KDM4C: variants seen among roughly 807,000 people sequenced by gnomAD.
The protein encoded by KDM4C is lysine demethylase 4C, also known as lysine-specific demethylase 4C.
In KDM4C, 81 loss-of-function variants were observed where a neutral mutation model predicts 129.3. That is an observed-to-expected ratio of 0.63 (90% CI 0.52 to 0.75). KDM4C has a LOEUF of 0.75. Ranked by LOEUF, KDM4C falls within the 30% of genes least tolerant of loss-of-function variation. The pLI is 0.00. For synonymous variants in KDM4C, 573 were observed against 456.1 expected, an observed-to-expected ratio of 1.26 and a Z score of -3.26; for missense variants, 1,457 against 1,304.0, an observed-to-expected ratio of 1.12 and a Z score of -1.81.
At chr9:6,897,119 G>T (rs768460795) in intron 8 of KDM4C, among the ~76,000 whole-genome samples, 2 of 152,192 alleles carry the variant, frequency 1.3e-5, no homozygotes, top group South Asian at 4.1e-4. Flanking sequence ...GTCCCTGTGC[G>T]TAAATTCTCT....
chr9:6,758,984 A>G lies in KDM4C; in HGVS notation c.-18+781A>G, dbSNP rs2130378724. On this transcript the variant is annotated intron_variant, in intron 1 of 21. Transcript: ENST00000381309. This position sits in a 1 kb window ranked among gnomAD's most constrained non-coding sequence, Gnocchi z 4.6. The stretch of plus-strand genomic sequence containing the variant: ...TTCAGATGCTTTCCGCGTGGACTTG[A>G]TGCTGGGCTCCCCCTTTGCTGCGCG... Among the ~76,000 whole-genome samples, 1 of 152,146 alleles carries G rather than the reference A, an allele frequency of 6.6e-6. No individual in the cohort carries two copies. Among genetic ancestry groups the G allele is most frequent in the East Asian group, 1.9e-4 (1 of 5,168 alleles).
chr9:6,744,721 T>C (rs7036872), intron 1 of KDM4C, among the ~76,000 whole-genome samples: 62,616 of 151,662 alleles, frequency 0.41, 13,685 homozygotes, highest in African/African-American at 0.56. Flanking sequence ...CCAGGTAAGG[T>C]TGTCTTTATT....
intron 2 of KDM4C, among the ~76,000 whole-genome samples, chr9:6,805,101 A>G (rs1829723717): frequency 6.6e-6 from 1 of 151,976 alleles, no homozygotes; most frequent in Non-Finnish European, 1.5e-5. Context: ...GGGTTTCACC[A>G]TGTTATCCAG....
Position 6,957,070 on chromosome 9 carries a change from C to T in KDM4C, c.922-23855C>T, listed in dbSNP as rs1455931578. On this transcript the variant is annotated intron_variant, in intron 8 of 21. Transcript: ENST00000381309. The stretch of plus-strand genomic sequence containing the variant: ...TTTGCTGACCCACTTCATAGTGGGG[C>T]TGATTAATATGAGCCATTATCTTCT... 3.9e-5 allele frequency among the ~76,000 whole-genome samples: 6 copies of T among 152,086 alleles called. No homozygotes were observed. The South Asian group carries it at 1.2e-3, about 31-fold the overall frequency.
At chr9:6,917,885 A>G (rs1239936356) in intron 8 of KDM4C, among the ~76,000 whole-genome samples, 2 of 152,170 alleles carry the variant, frequency 1.3e-5, no homozygotes, top group Non-Finnish European at 2.9e-5. Flanking sequence ...CCCTCTTGCA[A>G]CTTGAAGACC....
intron 17 of KDM4C, among the ~76,000 whole-genome samples, chr9:7,076,003 A>G (rs1171785711): frequency 2.6e-5 from 4 of 152,194 alleles, no homozygotes; most frequent in Admixed American, 2.0e-4. Flanking sequence ...AACACAGCTT[A>G]TGGGATAGAA....
At chr9:6,804,067 C>A (rs1267349618) in intron 2 of KDM4C, among the ~76,000 whole-genome samples, 1 of 152,190 alleles carries the variant, frequency 6.6e-6, no homozygotes, top group African/African-American at 2.4e-5. Flanking sequence ...AAGTGATTTA[C>A]CCATCTTGGC....
intron 18 of KDM4C, among the ~76,000 whole-genome samples, chr9:7,110,749 G>A (rs765667403): frequency 4.6e-5 from 7 of 152,150 alleles, no homozygotes; most frequent in Non-Finnish European, 1.0e-4. Context: ...GATGAAAGTG[G>A]GGTAGAAATC....
chr9:7,035,978 G>C (rs7854335), intron 15 of KDM4C, among the ~76,000 whole-genome samples: 1 of 151,906 alleles, frequency 6.6e-6, no homozygotes, highest in African/African-American at 2.4e-5. Flanking sequence ...ATCATTTGTG[G>C]TTCCATACAA....
intron 1 of KDM4C, among the ~76,000 whole-genome samples, chr9:6,776,262 C>T (rs1588183226): frequency 6.6e-6 from 1 of 152,080 alleles, no homozygotes. Flanking sequence ...CCCCGCTCAA[C>T]ACATCTTTCT....
At chr9:7,014,949 CACA>C (rs749726271) in intron 14 of KDM4C, among the ~76,000 whole-genome samples, 1 of 148,038 alleles carries the variant, frequency 6.8e-6, no homozygotes, top group African/African-American at 2.5e-5. Flanking sequence ...CACACACACA[CACA>C]CCTTACATTA....
intron 8 of KDM4C, among the ~76,000 whole-genome samples, chr9:6,895,821 A>T (rs1816324335): frequency 6.6e-6 from 1 of 152,234 alleles, no homozygotes; most frequent in South Asian, 2.1e-4. Context: ...ACAGGAAAAT[A>T]ACTTTATAAA....
rs536713456 is a variant in KDM4C at position 6,848,672 on chromosome 9, A to T, written c.436-835A>T. Reference sequence around the variant, plus strand: ...CGACAGAGTGAGACTGTCTCAGGGGAAAAAAAAAAAATGATTGTTAAGTTC... The same window carrying T: ...CGACAGAGTGAGACTGTCTCAGGGGTAAAAAAAAAAATGATTGTTAAGTTC... On this transcript the variant is annotated intron_variant, in intron 4 of 21. Coordinates refer to ENST00000381309, the MANE Select transcript of KDM4C (RefSeq NM_015061.6). Among the ~76,000 whole-genome samples the T allele has an allele frequency of 2.2e-5, 3 of 134,604 alleles. No homozygotes were observed. In the South Asian group the frequency reaches 6.6e-4, roughly 30 times the overall value. The allele number at this position is 134,604 out of a possible 152,430, so 88.3% of individuals were successfully genotyped here.
At chr9:6,827,326 A>G (rs938536681) in intron 4 of KDM4C, among the ~76,000 whole-genome samples, 6 of 152,200 alleles carry the variant, frequency 3.9e-5, no homozygotes, top group Non-Finnish European at 8.8e-5. Flanking sequence ...ATGATAAGCA[A>G]TATTTAAGAT....
chr9:6,730,107 C>G (rs1817270418), intron 1 of KDM4C, among the ~76,000 whole-genome samples: 1 of 145,208 alleles, frequency 6.9e-6, no homozygotes, highest in Non-Finnish European at 1.5e-5. Flanking sequence ...GAGACTCAGT[C>G]TTAAAAAAAA....
chr9:7,032,108 CATA>C (rs1224775551), intron 15 of KDM4C, among the ~76,000 whole-genome samples: 1 of 152,148 alleles, frequency 6.6e-6, no homozygotes, highest in East Asian at 1.9e-4. Flanking sequence ...TTTACTTTTC[CATA>C]ATATTAGGCA....
chr9:7,005,072 A>G (rs1417793762), intron 12 of KDM4C, among the ~76,000 whole-genome samples: 1 of 152,186 alleles, frequency 6.6e-6, no homozygotes, highest in Non-Finnish European at 1.5e-5. Flanking sequence ...ACTAGAAGGT[A>G]GTTGACATTG....
chr9:6,746,610 T>G (rs1817883377), intron 1 of KDM4C, among the ~76,000 whole-genome samples: 1 of 150,600 alleles, frequency 6.6e-6, no homozygotes, highest in East Asian at 2.0e-4. Context: ...CCAAGTGTGG[T>G]GCCTCACGCC....
chr9:6,782,261 C>A (rs1235922925), intron 1 of KDM4C, among the ~76,000 whole-genome samples: 1 of 152,126 alleles, frequency 6.6e-6, no homozygotes, highest in Non-Finnish European at 1.5e-5. Context: ...CAAAAAGCTT[C>A]ATAAGGGAGT....
Sources: allele counts gnomAD v4.1 joint callset (sites outside exome capture counted in the v4.1 genomes callset), GRCh38; gene constraint gnomAD v4.1.1; non-coding constraint Gnocchi (gnomAD v3.1); transcripts MANE v1.5; gene names NCBI Gene and HGNC (gene_info 2026-07-23, HGNC 2026-07-21).